The following INPP4B variants were observed in gnomAD, a reference collection of about 807,000 sequenced individuals.
The protein encoded by INPP4B is inositol polyphosphate-4-phosphatase type II B, also known as inositol polyphosphate 4-phosphatase type II.
A neutral mutation model predicts 122.5 loss-of-function variants in INPP4B; 55 were observed. The ratio of observed to expected loss-of-function variants is 0.45; its 90% CI spans 0.36 to 0.56. INPP4B has a LOEUF of 0.56. Among genes scored for constraint, INPP4B ranks in the 20% least tolerant of loss-of-function variants. INPP4B has a pLI of 0.00. For missense variants in INPP4B, 1,000 were observed against 1,097.7 expected (o/e 0.91, Z 1.26); for synonymous variants, 403 against 388.7 (o/e 1.04, Z -0.43).
At chr4:142,607,992 G>T (rs747460317) in intron 2 of INPP4B, among the ~76,000 whole-genome samples, 1 of 152,092 alleles carries the variant, frequency 6.6e-6, no homozygotes, top group Non-Finnish European at 1.5e-5. Context: ...ATCCAACCTT[G>T]TTCTATGCTT....
At chr4:142,281,497 C>T (rs935283519) in intron 9 of INPP4B, among the ~76,000 whole-genome samples, 1 of 151,758 alleles carries the variant, frequency 6.6e-6, no homozygotes, top group African/African-American at 2.4e-5. Flanking sequence ...GTATTAAATG[C>T]TAGTGATGTG....
chr4:142,399,084 G>C (rs976142609), intron 7 of INPP4B, among the ~76,000 whole-genome samples: 2 of 151,814 alleles, frequency 1.3e-5, no homozygotes, highest in Non-Finnish European at 2.9e-5. Context: ...TGTTGGAAGA[G>C]GCTTACTCAT....
intron 1 of INPP4B, among the ~76,000 whole-genome samples, chr4:142,799,809 ATT>A (rs891222318): frequency 6.6e-6 from 1 of 151,882 alleles, no homozygotes; most frequent in Non-Finnish European, 1.5e-5. Flanking sequence ...CCACATATAA[ATT>A]TCTTTATGAA....
chr4:142,329,609 C>T lies in INPP4B; in HGVS notation c.373-14847G>A, dbSNP rs6834679. ...TTACAAATTAGAGCTTATTTATCAT[C>T]ATTCCTCTACTTTTTCCTAGAGTCA... On this transcript the variant is annotated intron_variant, in intron 7 of 25. Coordinates refer to ENST00000262992, the MANE Select transcript of INPP4B (RefSeq NM_001101669.3). 7.0e-3 allele frequency among the ~76,000 whole-genome samples: 1,071 copies of T among 152,298 alleles called. 13 individuals are homozygous for T. Among genetic ancestry groups the T allele is most frequent in the African/African-American group, 0.025 (1,024 of 41,560 alleles).
At chr4:142,710,004 A>C (rs1314021504) in intron 2 of INPP4B, among the ~76,000 whole-genome samples, 2 of 152,206 alleles carry the variant, frequency 1.3e-5, no homozygotes, top group Non-Finnish European at 2.9e-5. Context: ...TTATTTGACA[A>C]ATCTGTATTA....
chr4:142,354,696 T>C (rs1440172276), intron 7 of INPP4B, among the ~76,000 whole-genome samples: 1 of 152,008 alleles, frequency 6.6e-6, no homozygotes, highest in Non-Finnish European at 1.5e-5. Context: ...CAATCTTTCA[T>C]TGGAATGACC....
intron 23 of INPP4B, among the ~76,000 whole-genome samples, chr4:142,106,603 T>C (rs1413518304): frequency 1.3e-5 from 2 of 152,224 alleles, no homozygotes; most frequent in African/African-American, 4.8e-5. Flanking sequence ...ATGATTGTTT[T>C]AAGTATAGCA....
chr4:142,197,821 A>T (rs1838980392), intron 14 of INPP4B, among the ~76,000 whole-genome samples: 1 of 152,170 alleles, frequency 6.6e-6, no homozygotes, highest in African/African-American at 2.4e-5. Context: ...TATAGATAAT[A>T]AAACAGATTT....
chr4:142,145,309 A>T (rs79974583), intron 18 of INPP4B, among the ~76,000 whole-genome samples: 3,616 of 152,248 alleles, frequency 0.024, 69 homozygotes, highest in Non-Finnish European at 0.037. Flanking sequence ...ACAAAAATCT[A>T]GACTTGTCAT....
intron 2 of INPP4B, among the ~76,000 whole-genome samples, chr4:142,498,401 A>C (rs1240430205): frequency 6.6e-6 from 1 of 152,078 alleles, no homozygotes; most frequent in Non-Finnish European, 1.5e-5. Flanking sequence ...TGAGATAATT[A>C]GAGCTACCTT....
chr4:142,548,682 T>TG (rs913846793), intron 2 of INPP4B, among the ~76,000 whole-genome samples: 1 of 152,052 alleles, frequency 6.6e-6, no homozygotes, highest in Non-Finnish European at 1.5e-5. Flanking sequence ...TCATTAAAGA[T>TG]GACATGTCTT....
chr4:142,449,269 G>GATCTAGCA (rs1562123746), intron 3 of INPP4B, among the ~76,000 whole-genome samples: 1 of 152,116 alleles, frequency 6.6e-6, no homozygotes, highest in Non-Finnish European at 1.5e-5. Flanking sequence ...AAGACCCATG[G>GATCTAGCA]ATCTAGCAAG....
intron 7 of INPP4B, among the ~76,000 whole-genome samples, chr4:142,393,276 C>T (rs1425029803): frequency 6.6e-6 from 1 of 152,122 alleles, no homozygotes; most frequent in African/African-American, 2.4e-5. Flanking sequence ...TTGTTTTGGA[C>T]TGAGTTCATG....
Position 142,279,261 on chromosome 4 carries a change from A to G in INPP4B, c.504-8487T>C, listed in dbSNP as rs576465550. Reference sequence around the variant, plus strand: ...CATCTACAGATTTAATGTAATACCAATCAAAATTCCAGTAAGATTTCTTGC... The same window carrying G: ...CATCTACAGATTTAATGTAATACCAGTCAAAATTCCAGTAAGATTTCTTGC... On this transcript the variant is annotated intron_variant, in intron 9 of 25. Coordinates refer to ENST00000262992, the MANE Select transcript of INPP4B (RefSeq NM_001101669.3). Among the ~76,000 whole-genome samples, 12 of 152,112 alleles carry G rather than the reference A, an allele frequency of 7.9e-5. No homozygotes were observed. The South Asian group carries it at 1.9e-3, about 24-fold the overall frequency.
At chr4:142,566,755 G>C (rs1731702572) in intron 2 of INPP4B, among the ~76,000 whole-genome samples, 1 of 152,286 alleles carries the variant, frequency 6.6e-6, no homozygotes, top group Admixed American at 6.5e-5. Context: ...ATAATGTTCT[G>C]TGTGTATTGG....
In INPP4B at chr4:142,475,447, T is replaced by C. The variant is rs1197239516; in HGVS notation, c.-190-12721A>G. Among the ~76,000 whole-genome samples, 6 of 151,858 alleles carry C rather than the reference T, an allele frequency of 4.0e-5. No individual in the cohort carries two copies. The South Asian group carries it at 1.2e-3, about 32-fold the overall frequency. On this transcript the variant is annotated intron_variant, in intron 2 of 25. Transcript: ENST00000262992. Reference sequence around the variant, plus strand: ...AAAAAGGCAGAGTGTCCTTCTTACCTCTAAACAACCATACTACTTACCCAG... The same window carrying C: ...AAAAAGGCAGAGTGTCCTTCTTACCCCTAAACAACCATACTACTTACCCAG...
At chr4:142,688,388 CAT>C (rs1759680359) in intron 2 of INPP4B, among the ~76,000 whole-genome samples, 1 of 152,110 alleles carries the variant, frequency 6.6e-6, no homozygotes, top group African/African-American at 2.4e-5. Flanking sequence ...TCATTCTGCA[CAT>C]GTTATTTGCT....
intron 5 of INPP4B, among the ~76,000 whole-genome samples, chr4:142,417,333 C>T (rs770901480): frequency 2.0e-5 from 3 of 152,130 alleles, no homozygotes; most frequent in Non-Finnish European, 4.4e-5. Context: ...TTCTTACTTG[C>T]TCTGCCTTCC....
chr4:142,327,241 C>A (rs1349352635), intron 7 of INPP4B, among the ~76,000 whole-genome samples: 1 of 152,096 alleles, frequency 6.6e-6, no homozygotes, highest in Admixed American at 6.5e-5. Context: ...CTGTTGCTCA[C>A]TGAAAGTCAT....
Sources: allele counts gnomAD v4.1 joint callset (sites outside exome capture counted in the v4.1 genomes callset), GRCh38; gene constraint gnomAD v4.1.1; transcripts MANE v1.5; gene names NCBI Gene and HGNC (gene_info 2026-07-23, HGNC 2026-07-21).